The following ERCC6L2 variants were observed in gnomAD, a reference collection of about 807,000 sequenced individuals.
ERCC6L2 encodes DNA excision repair protein ERCC-6-like 2.
In ERCC6L2, 77 loss-of-function variants were observed where a neutral mutation model predicts 132.0. The observed-to-expected ratio is 0.58, with a 90% CI of 0.49 to 0.71. ERCC6L2 has a LOEUF of 0.71. Ranked by LOEUF, ERCC6L2 falls within the 30% of genes least tolerant of loss-of-function variation. The probability of loss-of-function intolerance (pLI) is 0.00; values close to 1 mark genes in which losing one functional copy is unlikely to be tolerated. For synonymous variants in ERCC6L2, 583 were observed against 632.4 expected, an observed-to-expected ratio of 0.92 and a Z score of 1.17; for missense variants, 1,542 against 1,837.6, an observed-to-expected ratio of 0.84 and a Z score of 2.94.
chr9:95,968,843 A>G (rs1014534965), intron 14 of ERCC6L2: 35 of 152,238 alleles, frequency 2.3e-4, no homozygotes, highest in African/African-American at 8.2e-4. Flanking sequence ...CCTGTCTACC[A>G]GAAGTCTGCA....
chr9:95,992,986 CTT>C (rs1048652314), intron 17 of ERCC6L2, among the ~76,000 whole-genome samples: 24 of 152,184 alleles, frequency 1.6e-4, no homozygotes, highest in African/African-American at 5.5e-4. Context: ...ACAAATAAAA[CTT>C]AGTACATACA....
At chr9:95,927,135 A>G (rs1413111949) in intron 9 of ERCC6L2, among the ~76,000 whole-genome samples, 1 of 152,128 alleles carries the variant, frequency 6.6e-6, no homozygotes, top group Non-Finnish European at 1.5e-5. Flanking sequence ...TTTATTTACC[A>G]TTTGATAAAT....
intron 8 of ERCC6L2, among the ~76,000 whole-genome samples, chr9:95,922,797 G>A (rs1564227428): frequency 6.6e-6 from 1 of 152,068 alleles, no homozygotes; most frequent in Non-Finnish European, 1.5e-5. Flanking sequence ...AAATATTAGG[G>A]CTGTTTACCA....
chr9:95,942,417 G>GA (rs1380078719), intron 12 of ERCC6L2, among the ~76,000 whole-genome samples: 1 of 151,536 alleles, frequency 6.6e-6, no homozygotes, highest in African/African-American at 2.4e-5. Flanking sequence ...GGATGCCAAG[G>GA]AAAAAAGTAC....
At chr9:95,950,757 TA>T (rs1831293380) in intron 12 of ERCC6L2, among the ~76,000 whole-genome samples, 1 of 152,160 alleles carries the variant, frequency 6.6e-6, no homozygotes, top group South Asian at 2.1e-4. Flanking sequence ...TATCTGATGG[TA>T]AAAAGTGGAT....
intron 3 of ERCC6L2, among the ~76,000 whole-genome samples, chr9:95,904,380 T>A (rs1003222569): frequency 6.6e-6 from 1 of 152,144 alleles, no homozygotes; most frequent in African/African-American, 2.4e-5. Flanking sequence ...TACCTTCTAT[T>A]TTCTAGGTAC....
intron 13 of ERCC6L2, among the ~76,000 whole-genome samples, chr9:95,961,564 A>G (rs1189455567): frequency 6.6e-6 from 1 of 152,190 alleles, no homozygotes; most frequent in African/African-American, 2.4e-5. Flanking sequence ...GCAGCCCCTA[A>G]GGCAAATACA....
rs1283178174 is a variant in ERCC6L2, at chr9:95,999,355, T to A, written c.3493-5165T>A. Among the ~76,000 whole-genome samples the A allele has an allele frequency of 3.0e-4, 41 of 135,250 alleles. No individual in the cohort carries two copies. The Admixed American group carries it at 3.1e-3, about 10-fold the overall frequency. The allele number at this position is 135,250 out of a possible 152,430, so 88.7% of individuals were successfully genotyped here. On this transcript the variant is annotated intron_variant, in intron 17 of 18. Transcript: ENST00000653738. ...CAGCCTGGGCGAGAGAGTGAGACTC[T>A]GTCTCAAAAAAAAAAAAATTTCCTT...
intron 4 of ERCC6L2, among the ~76,000 whole-genome samples, chr9:95,908,303 C>T (rs1829179504): frequency 1.3e-5 from 2 of 151,984 alleles, no homozygotes; most frequent in African/African-American, 4.8e-5. Context: ...GGCCTGGGTC[C>T]AGTATGACTG....
intron 3 of ERCC6L2, among the ~76,000 whole-genome samples, chr9:95,900,729 G>T (rs1459194730): frequency 6.6e-6 from 1 of 151,970 alleles, no homozygotes; most frequent in Non-Finnish European, 1.5e-5. Flanking sequence ...CTTATATTGT[G>T]CATTCTTTGT....
intron 2 of ERCC6L2, among the ~76,000 whole-genome samples, chr9:95,885,366 A>G (rs1248886636): frequency 2.6e-5 from 4 of 152,244 alleles, no homozygotes; most frequent in Admixed American, 6.5e-5. Context: ...GAACATGTCT[A>G]TCACTCCTAG....
At chr9:95,920,940 C>G (rs1391387636) in intron 6 of ERCC6L2, among the ~76,000 whole-genome samples, 1 of 152,128 alleles carries the variant, frequency 6.6e-6, no homozygotes, top group African/African-American at 2.4e-5. Context: ...CCACGCCCAG[C>G]TAATTTTTGT....
At position 96,016,907 on chromosome 9, in the gene ERCC6L2, TG is replaced by T. The variant is rs1834194596; in HGVS notation, c.*3705del. On this transcript the variant is annotated 3_prime_UTR_variant, in exon 19 of 19. Coordinates refer to ENST00000653738, the MANE Select transcript of ERCC6L2 (RefSeq NM_020207.7). Reference sequence around the variant, plus strand: ...TCACTGCCTGCCTTAAAGGTTTTTTTGTGTGTTTGTTTGTTTGTTTGTTTGC... The same window carrying T: ...TCACTGCCTGCCTTAAAGGTTTTTTTTGTGTTTGTTTGTTTGTTTGTTTGC... Among the ~76,000 whole-genome samples, 1 of 143,120 alleles carries T rather than the reference TG, an allele frequency of 7.0e-6. No individual in the cohort carries two copies. The highest frequency in any genetic ancestry group is 1.6e-5 in the Non-Finnish European group (1 of 63,200). 93.9% of individuals were successfully genotyped at this position (143,120 alleles called of 152,430 possible).
chr9:96,012,756 C>A lies in ERCC6L2; in HGVS notation c.4206C>A (p.Asp1402Glu). 1 of 1,367,504 alleles carries A rather than the reference C, an allele frequency of 7.3e-7. No homozygotes were observed. Among genetic ancestry groups the A allele is most frequent in the Non-Finnish European group, 9.8e-7 (1 of 1,021,822 alleles). The allele number at this position is 1,367,504 out of a possible 1,614,324, so 84.7% of individuals were successfully genotyped here. The stretch of plus-strand genomic sequence containing the variant: ...GAAGGTTAGAAAATACCATGAAAGA[C>A]CAACAGGACCTCACAAGAACGGGCA... ...RERRLENTMK[D>E]QQDLTRTGIS... is the part of the protein sequence containing the mutation. Residue 1402 changes from aspartate (D) to glutamate (E), a missense_variant, in exon 19 of 19, where the codon GAC becomes GAA. Physicochemically the swap from Asp to Glu is conservative, Grantham distance 45 (BLOSUM62 2). Coordinates refer to ENST00000653738, the MANE Select transcript of ERCC6L2 (RefSeq NM_020207.7).
intron 14 of ERCC6L2, among the ~76,000 whole-genome samples, chr9:95,969,878 C>T (rs1366282440): frequency 2.6e-5 from 4 of 152,110 alleles, no homozygotes; most frequent in Admixed American, 2.0e-4. Flanking sequence ...AGTATTATTT[C>T]TCCTTGCTCT....
intron 7 of ERCC6L2, 86 bp from the exon 8 acceptor site, chr9:95,922,219 T>A: frequency 1.7e-6 from 1 of 603,024 alleles, no homozygotes. Flanking sequence ...CGATAATAAA[T>A]GTTATTGTAA....
chr9:95,959,323 C>T (rs867743423), intron 13 of ERCC6L2, among the ~76,000 whole-genome samples: 10 of 151,708 alleles, frequency 6.6e-5, no homozygotes, highest in African/African-American at 2.2e-4. Context: ...AACTGGCTAG[C>T]CATATGTAGA....
intron 13 of ERCC6L2, among the ~76,000 whole-genome samples, chr9:95,962,154 T>C (rs544628481): frequency 6.6e-6 from 1 of 152,306 alleles, no homozygotes; most frequent in Non-Finnish European, 1.5e-5. Flanking sequence ...AAAATCTTTT[T>C]AACCACACTC....
At position 96,039,236 on chromosome 9, in the gene ERCC6L2, G is replaced by C. The variant is rs530651436; in HGVS notation, c.*1755+109G>C. ...TAAGTGTGAAGGCAAAGAATGTGGA[G>C]CATGGGGTGGGTCCCAAGTGAAGGT... is the stretch of plus-strand genomic sequence containing the variant. On this transcript the variant is annotated intron_variant and NMD_transcript_variant, in intron 20 of 20. Transcript: ENST00000670016. Among the ~76,000 whole-genome samples, 33 of 152,338 alleles carry C rather than the reference G, an allele frequency of 2.2e-4. 1 individual carries two copies. The highest frequency in any genetic ancestry group is 1.9e-3 in the South Asian group (9 of 4,826).
Sources: allele counts gnomAD v4.1 joint callset (sites outside exome capture counted in the v4.1 genomes callset), GRCh38; gene constraint gnomAD v4.1.1; transcripts MANE v1.5; gene names NCBI Gene and HGNC (gene_info 2026-07-23, HGNC 2026-07-21).